Variants in ASB5 observed in about 807,000 individuals in gnomAD.
ASB5 encodes ankyrin repeat and SOCS box protein 5.
Under a neutral mutation model 42.1 loss-of-function variants are expected in ASB5, and 45 were observed. The observed-to-expected ratio is 1.07, with a 90% confidence interval of 0.84 to 1.37. The LOEUF (loss-of-function observed/expected upper bound fraction) is 1.37. Ranked by LOEUF, ASB5 falls within the 40% of genes most tolerant of loss-of-function variation. The probability of loss-of-function intolerance (pLI) is 0.00; values close to 1 mark genes in which losing one functional copy is unlikely to be tolerated. For missense variants in ASB5, 402 were observed against 399.8 expected (o/e 1.01, Z -0.05); for synonymous variants, 147 against 150.6 (o/e 0.98, Z 0.18).
chr4:176,227,874 CCT>C (rs1229305513), intron 1 of ASB5, among the ~76,000 whole-genome samples: 1 of 152,096 alleles, frequency 6.6e-6, no homozygotes, highest in Non-Finnish European at 1.5e-5. Flanking sequence ...ACATTTTGTT[CCT>C]GTCATTGATT....
At chr4:176,263,512 G>C (rs150018459) in intron 1 of ASB5, among the ~76,000 whole-genome samples, 1 of 152,106 alleles carries the variant, frequency 6.6e-6, no homozygotes, top group East Asian at 1.9e-4. Flanking sequence ...AAAAAAAATA[G>C]TAGCACTTTT....
intron 5 of ASB5, among the ~76,000 whole-genome samples, chr4:176,217,716 C>T (rs1361697907): frequency 1.3e-5 from 2 of 152,112 alleles, no homozygotes; most frequent in Non-Finnish European, 2.9e-5. Flanking sequence ...AAGCCTGGCA[C>T]ATGCTGGTCA....
chr4:176,237,207 C>T (rs975178201), intron 1 of ASB5: 2 of 881,862 alleles, frequency 2.3e-6, no homozygotes, highest in Middle Eastern at 5.9e-4. Context: ...TGGAAAGCAC[C>T]CGCAGTTTAA....
chr4:176,274,909 A>AT (rs35690692), intron 2 of ASB5, among the ~76,000 whole-genome samples: 19,095 of 106,402 alleles, frequency 0.18, 2,221 homozygotes, highest in African/African-American at 0.19. Context: ...CAGCATAGCA[A>AT]TTTTTTTTTT....
upstream of ASB5, among the ~76,000 whole-genome samples, chr4:176,270,652 G>A (rs1754452142): frequency 6.6e-6 from 1 of 152,152 alleles, no homozygotes; most frequent in African/African-American, 2.4e-5. Flanking sequence ...TAGACCCAGT[G>A]TGCCATTTCA....
At chr4:176,249,601 T>C (rs944230416) in intron 1 of ASB5, 1 of 152,022 alleles carries the variant, frequency 6.6e-6, no homozygotes, top group African/African-American at 2.4e-5. Context: ...TCTTCTCCCA[T>C]TGGTGCTGAG....
intron 1 of ASB5, among the ~76,000 whole-genome samples, chr4:176,253,880 G>C (rs1206751589): frequency 6.6e-6 from 1 of 152,092 alleles, no homozygotes. Context: ...TCTCTATGAG[G>C]AGAACCACAA....
At chr4:176,236,653 A>C (rs1042239939) in intron 1 of ASB5, among the ~76,000 whole-genome samples, 5 of 152,192 alleles carry the variant, frequency 3.3e-5, no homozygotes, top group African/African-American at 1.2e-4. Context: ...CAGCTATTAC[A>C]TAGTAAATAT....
chr4:176,223,879 C>T (rs1177810397), intron 2 of ASB5, among the ~76,000 whole-genome samples: 2 of 152,160 alleles, frequency 1.3e-5, no homozygotes, highest in Non-Finnish European at 2.9e-5. Context: ...CTTCAAAGAA[C>T]CACACGGCCC....
At chr4:176,245,661 T>C (rs1468843224) in intron 1 of ASB5, among the ~76,000 whole-genome samples, 3 of 152,116 alleles carry the variant, frequency 2.0e-5, no homozygotes, top group Admixed American at 1.3e-4. Context: ...TGTCCATCAA[T>C]GACAGACTGG....
chr4:176,264,660 C>T (rs1754323242), intron 1 of ASB5, among the ~76,000 whole-genome samples: 1 of 152,232 alleles, frequency 6.6e-6, no homozygotes, highest in African/African-American at 2.4e-5. Flanking sequence ...TCTAAGGGTC[C>T]ACTTTCAAGG....
In ASB5 at chr4:176,221,467, T is replaced by A; in HGVS notation, c.518A>T (p.His173Leu). The A allele has an allele frequency of 6.2e-7, 1 of 1,613,716 alleles. No individual in the cohort carries two copies. The highest frequency in any genetic ancestry group is 8.5e-7 in the Non-Finnish European group (1 of 1,179,896). The change falls in exon 4 of 7, where the codon CAT becomes CTT. Residue 173 changes from histidine (H) to leucine (L), a missense_variant. Coordinates refer to ENST00000296525, the MANE Select transcript of ASB5 (RefSeq NM_080874.4). ...QLESCLPSPTHEAASKGHHEC... is the reference protein window; with the variant it reads ...QLESCLPSPTLEAASKGHHEC... ...TAAGTTACCTTTACTGGCGGCCTCATGCGTTGGGGATGGAAGACATGACTC... is the reference window on the plus strand; with the variant it reads ...TAAGTTACCTTTACTGGCGGCCTCAAGCGTTGGGGATGGAAGACATGACTC...
intron 1 of ASB5, among the ~76,000 whole-genome samples, chr4:176,268,623 T>A (rs1232304264): frequency 1.3e-5 from 2 of 152,114 alleles, no homozygotes; most frequent in Admixed American, 1.3e-4. Flanking sequence ...CTTTTTAAAA[T>A]GTTTCTTAAT....
upstream of ASB5, among the ~76,000 whole-genome samples, chr4:176,272,787 T>C (rs551577226): frequency 6.6e-6 from 1 of 152,154 alleles, no homozygotes; most frequent in East Asian, 1.9e-4. Context: ...CATCTAGAGA[T>C]TATGGGGCTA....
chr4:176,240,588 A>G (rs1399071951), intron 1 of ASB5, among the ~76,000 whole-genome samples: 1 of 152,226 alleles, frequency 6.6e-6, no homozygotes, highest in Non-Finnish European at 1.5e-5. Flanking sequence ...GCATTATGAC[A>G]GAAAGCTACA....
intron 5 of ASB5, among the ~76,000 whole-genome samples, chr4:176,219,575 G>GAT (rs71597433): frequency 1.3e-3 from 8 of 6,000 alleles, no homozygotes; most frequent in South Asian, 4.1e-3. Flanking sequence ...ATATTTGTAT[G>GAT]ATATATATAT....
chr4:176,243,050 A>G (rs1216944650), intron 1 of ASB5, among the ~76,000 whole-genome samples: 1 of 152,170 alleles, frequency 6.6e-6, no homozygotes, highest in Non-Finnish European at 1.5e-5. Context: ...ACATAACATC[A>G]AAGTTGAAAC....
chr4:176,217,393 A>G lies in ASB5; in HGVS notation c.671-384T>C, dbSNP rs575923580. On this transcript the variant is annotated intron_variant, in intron 5 of 6. Coordinates refer to ENST00000296525, the MANE Select transcript of ASB5 (RefSeq NM_080874.4). ...AAGTTCACTCATTTTTATTTTCATC[A>G]TGGTTGATAGCTTTTAGAATTATTC... Among the ~76,000 whole-genome samples, 80 of 152,202 alleles carry G rather than the reference A, an allele frequency of 5.3e-4. 1 individual carries two copies. The South Asian group carries it at 7.5e-3, about 14-fold the overall frequency.
chr4:176,222,162 A>T lies in ASB5; in HGVS notation c.384+151T>A, dbSNP rs144213396. On this transcript the variant is annotated intron_variant, in intron 3 of 6. Coordinates refer to ENST00000296525, the MANE Select transcript of ASB5 (RefSeq NM_080874.4). ...TGATTGGAAATCCTTTTTAGAGTGC[A>T]ATAAGAAGACTAAGGAATTCAAGAG... 63 of 688,920 alleles carry T rather than the reference A, an allele frequency of 9.1e-5. No homozygotes were observed. In the East Asian group the frequency reaches 1.7e-3, roughly 19 times the overall value. 42.7% of individuals were successfully genotyped at this position (688,920 alleles called of 1,614,324 possible). A position where few individuals can be genotyped will look rare whatever the true frequency, so the allele number is the denominator to read the frequency against.
Sources: allele counts gnomAD v4.1 joint callset (sites outside exome capture counted in the v4.1 genomes callset), GRCh38; gene constraint gnomAD v4.1.1; transcripts MANE v1.5; gene names NCBI Gene and HGNC (gene_info 2026-07-23, HGNC 2026-07-21).